Variants in PCNP observed in about 807,000 individuals in gnomAD.
PCNP encodes PEST proteolytic signal-containing nuclear protein.
In PCNP, 6 loss-of-function variants were observed where a neutral mutation model predicts 21.8. The ratio of observed to expected loss-of-function variants is 0.28; its 90% CI spans 0.15 to 0.54. The LOEUF is 0.54. Among genes scored for constraint, PCNP ranks in the 20% least tolerant of loss-of-function variants. The pLI, the probability that PCNP is intolerant of heterozygous loss-of-function variation, is 0.95. For synonymous variants in PCNP, 67 were observed against 73.2 expected, an observed-to-expected ratio of 0.92 and a Z score of 0.43; for missense variants, 161 against 215.5, an observed-to-expected ratio of 0.75 and a Z score of 1.58.
intron 3 of PCNP, among the ~76,000 whole-genome samples, chr3:101,589,474 G>C (rs548189379): frequency 2.0e-5 from 3 of 150,258 alleles, no homozygotes; most frequent in Non-Finnish European, 4.4e-5. Context: ...GCAGTGGCAC[G>C]ATCTCGGCTC....
upstream of PCNP, chr3:101,574,123 G>A (rs748883922): frequency 1.4e-5 from 21 of 1,501,246 alleles, no homozygotes; most frequent in African/African-American, 1.1e-4. Context: ...GCTCTAGGCT[G>A]CCACCACGCC....
At chr3:101,591,732 A>G (rs1935817132) in intron 4 of PCNP, among the ~76,000 whole-genome samples, 1 of 149,790 alleles carries the variant, frequency 6.7e-6, no homozygotes. Flanking sequence ...ATTACAGGCA[A>G]CAGGTTTTTT....
chr3:101,587,595 A>G (rs1415018633), intron 3 of PCNP, among the ~76,000 whole-genome samples: 9 of 151,610 alleles, frequency 5.9e-5, no homozygotes, highest in Admixed American at 1.3e-4. Flanking sequence ...GTATCTGAAT[A>G]AATGATACTG....
intron 3 of PCNP, 25 bp downstream of exon 3, chr3:101,585,536 T>A (rs770204895): frequency 6.7e-7 from 1 of 1,502,624 alleles, no homozygotes; most frequent in Non-Finnish European, 9.2e-7. Context: ...AGTTTTGTTT[T>A]TTTACTTTAA....
chr3:101,590,252 G>A lies in PCNP; in HGVS notation c.392G>A (p.Arg131Lys). 1 of 1,559,024 alleles carries A rather than the reference G, an allele frequency of 6.4e-7. No individual in the cohort carries two copies. Among genetic ancestry groups the A allele is most frequent in the Non-Finnish European group, 8.8e-7 (1 of 1,131,268 alleles). Residue 131 changes from arginine (R) to lysine (K), a missense_variant, in exon 4 of 5, where the codon AGG (arginine) becomes AAG (lysine). By Grantham distance (26) the Arg-to-Lys change is conservative. This residue lies in a region of PCNP where 66 missense variants were observed against 127.8 expected (regional missense o/e 0.52). Coordinates refer to ENST00000265260, the MANE Select transcript of PCNP (RefSeq NM_020357.3). ...GAAATGCCTCCAGAAGCAAAGATGA[G>A]GATGAAGAATATTGGAAGGTATTAT... ...PEEMPPEAKM[R>K]MKNIGRDTPT...
At chr3:101,583,184 C>T (rs368529060) in intron 2 of PCNP, among the ~76,000 whole-genome samples, 3 of 152,034 alleles carry the variant, frequency 2.0e-5, no homozygotes, top group Non-Finnish European at 2.9e-5. Flanking sequence ...AGGCTGGGCG[C>T]GGTGGCTCAG....
At chr3:101,583,674 G>A (rs1395365035) in intron 2 of PCNP, among the ~76,000 whole-genome samples, 1 of 152,034 alleles carries the variant, frequency 6.6e-6, no homozygotes, top group Non-Finnish European at 1.5e-5. Flanking sequence ...TTGAGACAGA[G>A]ACTCACTCTG....
chr3:101,578,287 A>T (rs1935038753), intron 1 of PCNP, among the ~76,000 whole-genome samples: 1 of 152,244 alleles, frequency 6.6e-6, no homozygotes, highest in Non-Finnish European at 1.5e-5. Context: ...AATACAGAAT[A>T]AAATTAGCGT....
intron 2 of PCNP, among the ~76,000 whole-genome samples, chr3:101,582,492 G>A (rs140514375): frequency 2.0e-5 from 3 of 152,034 alleles, no homozygotes; most frequent in African/African-American, 7.2e-5. Flanking sequence ...TTATTGGGAG[G>A]GTGAGGTGTA....
At chr3:101,577,794 G>A (rs916523261) in intron 1 of PCNP, among the ~76,000 whole-genome samples, 2 of 152,144 alleles carry the variant, frequency 1.3e-5, no homozygotes, top group African/African-American at 4.8e-5. Context: ...AAAGTGCTGG[G>A]ATTACACGTG....
At chr3:101,575,538 TCTA>T (rs1342921474) in intron 1 of PCNP, among the ~76,000 whole-genome samples, 12 of 149,692 alleles carry the variant, frequency 8.0e-5, no homozygotes, top group African/African-American at 2.4e-4. Context: ...ATTTAAACCA[TCTA>T]CTACTTTCTC....
intron 4 of PCNP, among the ~76,000 whole-genome samples, chr3:101,591,711 G>A (rs1456135984): frequency 6.7e-6 from 1 of 149,636 alleles, no homozygotes; most frequent in African/African-American, 2.5e-5. Context: ...ACTTCATGAT[G>A]CTGTTAATGG....
intron 1 of PCNP, chr3:101,579,551 G>A (rs554211380): frequency 6.1e-6 from 4 of 650,552 alleles, no homozygotes; most frequent in South Asian, 1.5e-5. Context: ...TGTGAACTCT[G>A]TGTTTATAAT....
intron 1 of PCNP, chr3:101,574,878 G>A (rs1038315934): frequency 6.6e-6 from 1 of 152,566 alleles, no homozygotes; most frequent in Non-Finnish European, 1.5e-5. Flanking sequence ...GTGATGGAGG[G>A]GAAGAGGAAT....
intron 2 of PCNP, among the ~76,000 whole-genome samples, chr3:101,583,716 T>A (rs1406072676): frequency 6.6e-6 from 1 of 152,004 alleles, no homozygotes; most frequent in Admixed American, 6.6e-5. Context: ...GGTGTGATCT[T>A]GGCTCACTGC....
chr3:101,574,527 C>T (rs554008558), intron 1 of PCNP, among the ~76,000 whole-genome samples: 5 of 152,242 alleles, frequency 3.3e-5, no homozygotes, highest in African/African-American at 1.2e-4. Context: ...GCCCTGATTC[C>T]GAGGAGAAGG....
intron 1 of PCNP, chr3:101,574,931 A>G (rs763228701): frequency 6.6e-6 from 1 of 152,258 alleles, no homozygotes; most frequent in Admixed American, 6.5e-5. Context: ...GTCTAGGGCT[A>G]AGGTTTGGTT....
chr3:101,586,622 T>TCTCTTGTTTCAGAGAGAGAGAGAGAGAGA (rs1935541759), intron 3 of PCNP, among the ~76,000 whole-genome samples: 1 of 134,488 alleles, frequency 7.4e-6, no homozygotes, highest in Non-Finnish European at 1.6e-5. Flanking sequence ...AGAGAGAGAG[T>TCTCTTGTTTCAGAGAGAGAGAGAGAGAGA]GTGTCTTGCT....
intron 2 of PCNP, among the ~76,000 whole-genome samples, chr3:101,581,383 C>T (rs1039951310): frequency 2.6e-5 from 4 of 151,566 alleles, no homozygotes; most frequent in Non-Finnish European, 1.5e-5. Context: ...AACATAGTTC[C>T]TAAATCTAAA....
Sources: allele counts gnomAD v4.1 joint callset (sites outside exome capture counted in the v4.1 genomes callset), GRCh38; gene constraint gnomAD v4.1.1; regional missense constraint gnomAD v4.1.1; transcripts MANE v1.5; gene names NCBI Gene and HGNC (gene_info 2026-07-23, HGNC 2026-07-21).